Variants in SLC37A2 observed in about 807,000 individuals in gnomAD.
SLC37A2 encodes glucose-6-phosphate exchanger SLC37A2.
A neutral mutation model predicts 70.7 loss-of-function variants in SLC37A2; 59 were observed. That is an observed-to-expected ratio of 0.83 (90% CI 0.68 to 1.04). SLC37A2 has a LOEUF of 1.04. SLC37A2 is among the 50% of genes least tolerant of loss of function. SLC37A2 has a pLI of 0.00. For missense variants in SLC37A2, 580 were observed against 658.1 expected (o/e 0.88, Z 1.30); for synonymous variants, 257 against 262.1 (o/e 0.98, Z 0.19).
At chr11:125,065,532 A>T (rs2135556919) in intron 1 of SLC37A2, among the ~76,000 whole-genome samples, 1 of 152,274 alleles carries the variant, frequency 6.6e-6, no homozygotes, top group Admixed American at 6.5e-5. Flanking sequence ...TAATATCCTA[A>T]AGTTTCTGGG....
In SLC37A2 at chr11:125,085,613, C is replaced by A. The variant is rs983736677; in HGVS notation, c.1364C>A (p.Ser455Tyr). 1.3e-5 allele frequency: 21 copies of A among 1,613,674 alleles called. 1 individual carries two copies. The highest frequency in any genetic ancestry group is 1.7e-5 in the Non-Finnish European group (20 of 1,180,024). Residue 455 changes from serine to tyrosine, a missense_variant, in exon 16 of 18, where the codon TCC becomes TAC. Ser to Tyr is a moderately radical substitution (Grantham distance 144). Transcript: ENST00000403796. Reference protein sequence around the residue: ...ALGPLLAGLISPTGWNNVFYM... With the variant: ...ALGPLLAGLIYPTGWNNVFYM... ...GGGCCTCTGCTGGCTGGGCTCATCT[C>A]CCCCACGGGCTGGAACAATGTCTTC... is the stretch of plus-strand genomic sequence containing the variant.
chr11:125,066,686 A>G (rs543796227), intron 1 of SLC37A2, among the ~76,000 whole-genome samples: 78 of 152,298 alleles, frequency 5.1e-4, no homozygotes, highest in African/African-American at 1.8e-3. Context: ...ATATAAGGTT[A>G]ATTTCAAAAA....
chr11:125,077,412 C>T, intron 3 of SLC37A2, 38 bp from the exon 4 acceptor site: 2 of 1,601,486 alleles, frequency 1.2e-6, no homozygotes, highest in South Asian at 1.1e-5. Context: ...CAGGGGCATC[C>T]ACGCAGTCAG....
At chr11:125,066,690 T>C (rs1267983677) in intron 1 of SLC37A2, among the ~76,000 whole-genome samples, 1 of 151,962 alleles carries the variant, frequency 6.6e-6, no homozygotes, top group African/African-American at 2.4e-5. Context: ...AAGGTTAATT[T>C]CAAAAAACAC....
At chr11:125,084,989 T>A in intron 13 of SLC37A2, 77 bp from the exon 14 acceptor site, 1 of 1,579,208 alleles carries the variant, frequency 6.3e-7, no homozygotes, top group Non-Finnish European at 8.7e-7. Flanking sequence ...GGCTGAAGGC[T>A]GGAGAGTGCT....
At chr11:125,081,581 C>A in intron 8 of SLC37A2, 123 bp downstream of exon 8, 1 of 1,379,832 alleles carries the variant, frequency 7.2e-7, no homozygotes, top group Non-Finnish European at 9.9e-7. Flanking sequence ...CGACCCAGTG[C>A]TAGGCCCATG....
rs1273959220 is a variant in SLC37A2, at chr11:125,083,736, C to T, written c.977-79C>T. 4 of 1,313,198 alleles carry T rather than the reference C, an allele frequency of 3.0e-6. No homozygotes were observed. The East Asian group carries it at 6.9e-5, about 23-fold the overall frequency. The allele number at this position is 1,313,198 out of a possible 1,614,324, so 81.3% of individuals were successfully genotyped here. A position where few individuals can be genotyped will look rare whatever the true frequency, so the allele number is the denominator to read the frequency against. ...AGGGGGCAGTGGTCTGGATCACGCT[C>T]TGCAGGGCTTCTAGCTGTGACACTC... On this transcript the variant is annotated intron_variant, in intron 10 of 17. Coordinates refer to ENST00000403796, the MANE Select transcript of SLC37A2 (RefSeq NM_001145290.2). This position sits in a 1 kb window ranked among gnomAD's most constrained non-coding sequence, Gnocchi z 4.6.
chr11:125,081,563 G>A, intron 8 of SLC37A2, 105 bp downstream of exon 8: 8 of 1,434,622 alleles, frequency 5.6e-6, no homozygotes, highest in Non-Finnish European at 7.5e-6. Context: ...GGCCCTCACT[G>A]ACCTCACCGA....
chr11:125,070,917 G>A lies in SLC37A2; in HGVS notation c.60-5840G>A, dbSNP rs533779800. Among the ~76,000 whole-genome samples, 127 of 152,366 alleles carry A rather than the reference G, an allele frequency of 8.3e-4. 2 individuals carry two copies. Among genetic ancestry groups the A allele is most frequent in the Non-Finnish European group, 6.8e-4 (46 of 68,028 alleles). On this transcript the variant is annotated intron_variant, in intron 1 of 17. Coordinates refer to ENST00000403796, the MANE Select transcript of SLC37A2 (RefSeq NM_001145290.2). ...GGTGGGGCTGTCTGACTCAGGCCCT[G>A]TGGGCTGGTCTAGAAGGTAGCAGCA...
rs1382497969 is a variant in SLC37A2 at position 125,063,683 on chromosome 11, G to A, written c.59+257G>A. Among the ~76,000 whole-genome samples the A allele has an allele frequency of 1.3e-5, 2 of 152,214 alleles. No homozygotes were observed. Among genetic ancestry groups the A allele is most frequent in the East Asian group, 3.9e-4 (2 of 5,180 alleles). ...ACACTGGGGAAGAACAGGCTGCCAG[G>A]GAGGGTCTCCATCGTTTCCCGTTTC... On this transcript the variant is annotated intron_variant, in intron 1 of 17. Coordinates refer to ENST00000403796, the MANE Select transcript of SLC37A2 (RefSeq NM_001145290.2). The surrounding 1 kb of genome is among the most constrained non-coding windows in gnomAD (Gnocchi z 5.4).
At chr11:125,077,875 G>A (rs1949106856) in intron 4 of SLC37A2, among the ~76,000 whole-genome samples, 1 of 152,186 alleles carries the variant, frequency 6.6e-6, no homozygotes, top group Admixed American at 6.5e-5. Context: ...AAACCAGCAC[G>A]GGAAGCATGC....
At position 125,063,384 on chromosome 11, in the gene SLC37A2, C is replaced by T; in HGVS notation, c.17C>T (p.Ala6Val). 1.2e-6 allele frequency: 2 copies of T among 1,611,950 alleles called. No homozygotes were observed. Among genetic ancestry groups the T allele is most frequent in the Non-Finnish European group, 1.7e-6 (2 of 1,179,206 alleles). MRSSL[A>V]PGVWFFRAFS... ...TCAGGCAAAATGCGGTCCTCCCTGG[C>T]TCCGGGAGTCTGGTTCTTCCGGGCC... Residue 6 changes from alanine (A) to valine (V), a missense_variant, in exon 1 of 18, where the codon GCT (alanine) becomes GTT (valine). Transcript: ENST00000403796. This position sits in a 1 kb window ranked among gnomAD's most constrained non-coding sequence, Gnocchi z 5.4.
rs1287353243 is a variant in SLC37A2 at position 125,063,416 on chromosome 11, A to G, written c.49A>G (p.Arg17Gly). Residue 17 changes from arginine to glycine, a missense_variant, in exon 1 of 18, where the codon AGG becomes GGG. Transcript: ENST00000403796. This position sits in a 1 kb window ranked among gnomAD's most constrained non-coding sequence, Gnocchi z 5.4. ...PGVWFFRAFS[R>G]DSWFRGLILL... ...AGTCTGGTTCTTCCGGGCCTTCTCC[A>G]GGGACAGCTGGTGAGCGGGGCAGGG... 2.5e-6 allele frequency: 4 copies of G among 1,611,442 alleles called. No individual in the cohort carries two copies. The highest frequency in any genetic ancestry group is 1.7e-4 in the Middle Eastern group (1 of 6,038).
rs1301943879 is a variant in SLC37A2 at position 125,063,344 on chromosome 11, A to G, written c.-24A>G. Reference sequence around the variant, plus strand: ...GCTCTGTAGCCTCCTCCGTCGACTCAGCCTTAGGTACCGGTCAGGCAAAAT... The same window carrying G: ...GCTCTGTAGCCTCCTCCGTCGACTCGGCCTTAGGTACCGGTCAGGCAAAAT... On this transcript the variant is annotated 5_prime_UTR_variant, in exon 1 of 18. Coordinates refer to ENST00000403796, the MANE Select transcript of SLC37A2 (RefSeq NM_001145290.2). This position sits in a 1 kb window ranked among gnomAD's most constrained non-coding sequence, Gnocchi z 5.4. 6.2e-7 allele frequency: 1 copy of G among 1,605,162 alleles called. No homozygotes were observed. The highest frequency in any genetic ancestry group is 1.7e-5 in the Admixed American group (1 of 59,454).
rs1949177044 is a variant in SLC37A2, at chr11:125,083,975, G to A, written c.1039+98G>A. On this transcript the variant is annotated intron_variant, in intron 11 of 17. Coordinates refer to ENST00000403796, the MANE Select transcript of SLC37A2 (RefSeq NM_001145290.2). This position sits in a 1 kb window ranked among gnomAD's most constrained non-coding sequence, Gnocchi z 4.6. ...GGTCCGATGGGCTATGACCTGGGTA[G>A]GTGGCACCAGAGGAAAAATGGCTCC... The A allele has an allele frequency of 1.6e-6, 2 of 1,239,420 alleles. No individual in the cohort carries two copies. The highest frequency in any genetic ancestry group is 1.5e-5 in the African/African-American group (1 of 67,242). The allele number at this position is 1,239,420 out of a possible 1,614,324, so 76.8% of individuals were successfully genotyped here.
intron 1 of SLC37A2, among the ~76,000 whole-genome samples, chr11:125,073,349 G>A (rs1416829325): frequency 2.6e-5 from 4 of 152,338 alleles, no homozygotes; most frequent in East Asian, 1.9e-4. Context: ...TATGCACAGC[G>A]GGAGGCGGGG....
chr11:125,088,482 G>T lies in SLC37A2; in HGVS notation c.*348G>T. 1 of 255,932 alleles carries T rather than the reference G, an allele frequency of 3.9e-6. No homozygotes were observed. The highest frequency in any genetic ancestry group is 7.4e-6 in the Non-Finnish European group (1 of 134,324). 15.9% of individuals were successfully genotyped at this position (255,932 alleles called of 1,614,324 possible). Reference sequence around the variant, plus strand: ...AGAAGGCTTCACAAGGCCAACGCCTGGAAAATGGGCATCTCTCCTTCCCAT... The same window carrying T: ...AGAAGGCTTCACAAGGCCAACGCCTTGAAAATGGGCATCTCTCCTTCCCAT... On this transcript the variant is annotated 3_prime_UTR_variant, in exon 18 of 18. Transcript: ENST00000403796.
chr11:125,084,542 C>A (rs1035168230), intron 12 of SLC37A2, among the ~76,000 whole-genome samples: 2 of 152,154 alleles, frequency 1.3e-5, no homozygotes, highest in African/African-American at 4.8e-5. Flanking sequence ...GACTCTTTGG[C>A]CTTGGTAGAG....
chr11:125,083,924 C>G lies in SLC37A2; in HGVS notation c.1039+47C>G, dbSNP rs1451248848. The G allele has an allele frequency of 6.3e-7, 1 of 1,577,416 alleles. No individual in the cohort carries two copies. Among genetic ancestry groups the G allele is most frequent in the Non-Finnish European group, 8.7e-7 (1 of 1,146,830 alleles). ...CCAGCAGGCTCCCTTCCCCTCTTTT[C>G]TTGTGGGGTGCAGGAAGAAGGGACA... is the stretch of plus-strand genomic sequence containing the variant. On this transcript the variant is annotated intron_variant, in intron 11 of 17. Coordinates refer to ENST00000403796, the MANE Select transcript of SLC37A2 (RefSeq NM_001145290.2). This position sits in a 1 kb window ranked among gnomAD's most constrained non-coding sequence, Gnocchi z 4.6.
Sources: gnomAD v4.1 joint callset for allele counts (sites outside exome capture counted in the v4.1 genomes callset) on GRCh38, gnomAD v4.1.1 for gene constraint, Gnocchi (gnomAD v3.1) non-coding constraint, MANE v1.5 for transcripts, NCBI Gene and HGNC (gene_info 2026-07-23, HGNC 2026-07-21) for gene names.